Variants in FGF5 observed in about 807,000 individuals in gnomAD.
FGF5 encodes fibroblast growth factor 5, also known as heparin-binding growth factor 5.
A neutral mutation model predicts 21.8 loss-of-function variants in FGF5; 23 were observed. The observed-to-expected ratio is 1.05, with a 90% CI of 0.76 to 1.49. FGF5 has a LOEUF of 1.49. FGF5 is among the 40% of genes most tolerant of loss of function. The pLI is 0.00. For synonymous variants in FGF5, 158 were observed against 124.0 expected (o/e 1.27, Z -1.82); for missense variants, 352 against 332.9 (o/e 1.06, Z -0.45).
At position 80,289,757 on chromosome 4, in the gene FGF5, G is replaced by T. The variant is rs2109933954; in HGVS notation, c.*3085G>T. The T allele has an allele frequency of 6.6e-6, 1 of 152,058 alleles. No homozygotes were observed. Among genetic ancestry groups the T allele is most frequent in the East Asian group, 1.9e-4 (1 of 5,188 alleles). 9.4% of individuals were successfully genotyped at this position (152,058 alleles called of 1,614,324 possible). ...AGTACAGGTGCATATTAATTTTCTT[G>T]GTTCTTTCAGCTGAATTATATTGGT... On this transcript the variant is annotated 3_prime_UTR_variant, in exon 3 of 3. Coordinates refer to ENST00000312465, the MANE Select transcript of FGF5 (RefSeq NM_004464.4).
At chr4:80,274,530 A>C (rs1170276782) in intron 1 of FGF5, among the ~76,000 whole-genome samples, 1 of 152,070 alleles carries the variant, frequency 6.6e-6, no homozygotes, top group Non-Finnish European at 1.5e-5. Context: ...TTAATGTTCA[A>C]AGTAGTGTAT....
chr4:80,267,198 T>C lies in FGF5; in HGVS notation c.355+19T>C. The C allele has an allele frequency of 6.4e-7, 1 of 1,567,044 alleles. No individual in the cohort carries two copies. Among genetic ancestry groups the C allele is most frequent in the Non-Finnish European group, 8.7e-7 (1 of 1,151,372 alleles). On this transcript the variant is annotated intron_variant, in intron 1 of 2. Transcript: ENST00000312465. ...ATGTTAAGTAAGTTACTCGCTCTCC[T>C]ACAAAACCCGTCCTAGGCGGCCGCG...
rs543568277 is a variant in FGF5, at chr4:80,275,237, T to C, written c.459+225T>C. ...ACAGAGTCTACAAAAAGTTTAAGCATAAATGTATTTGAAAACAGCATTCTC... is the reference window on the plus strand; with the variant it reads ...ACAGAGTCTACAAAAAGTTTAAGCACAAATGTATTTGAAAACAGCATTCTC... On this transcript the variant is annotated intron_variant, in intron 2 of 2. Transcript: ENST00000312465. Among the ~76,000 whole-genome samples the C allele has an allele frequency of 2.0e-5, 3 of 152,174 alleles. No individual in the cohort carries two copies. In the East Asian group the frequency reaches 5.8e-4, roughly 29 times the overall value.
At position 80,275,005 on chromosome 4, in the gene FGF5, A is replaced by T; in HGVS notation, c.452A>T (p.His151Leu). 1 of 1,482,404 alleles carries T rather than the reference A, an allele frequency of 6.7e-7. No homozygotes were observed. Among genetic ancestry groups the T allele is most frequent in the South Asian group, 1.2e-5 (1 of 85,770 alleles). The allele number at this position is 1,482,404 out of a possible 1,614,324, so 91.8% of individuals were successfully genotyped here. A position where few individuals can be genotyped will look rare whatever the true frequency, so the allele number is the denominator to read the frequency against. The change falls in exon 2 of 3, where the codon CAT becomes CTT. Residue 151 changes from histidine to leucine, a missense_variant. Transcript: ENST00000312465. ...GCGATGTCAAAAAAAGGAAAACTCC[A>T]TGCAAGTGTAAGTAGAACCACTTTA... ...FLAMSKKGKL[H>L]ASAKFTDDCK... is the part of the protein sequence containing the mutation.
intron 2 of FGF5, among the ~76,000 whole-genome samples, chr4:80,278,616 G>C (rs952645594): frequency 6.6e-6 from 1 of 152,152 alleles, no homozygotes; most frequent in African/African-American, 2.4e-5. Context: ...GAAAGGGTAG[G>C]CCAGAGCAGA....
Position 80,267,035 on chromosome 4 carries a change from G to T in FGF5, c.211G>T (p.Gly71Ter), listed in dbSNP as rs779790827. The change falls in exon 1 of 3, where the codon GGA becomes TGA. Residue 71 changes from glycine (G) to a stop codon, truncating the protein, a stop_gained. Transcript: ENST00000312465. LOFTEE classifies it high-confidence loss of function. ...SSPAASLGSQ[G>*]SGLEQSSFQW... ...CCCCGCAGCTTCTCTGGGCAGCCAAGGAAGTGGCTTGGAGCAGAGCAGTTT... is the reference window on the plus strand; with the variant it reads ...CCCCGCAGCTTCTCTGGGCAGCCAATGAAGTGGCTTGGAGCAGAGCAGTTT... 1 of 1,614,154 alleles carries T rather than the reference G, an allele frequency of 6.2e-7. No homozygotes were observed. The highest frequency in any genetic ancestry group is 8.5e-7 in the Non-Finnish European group (1 of 1,180,056).
chr4:80,285,885 T>G, intron 2 of FGF5, among the ~76,000 whole-genome samples: 1 of 152,128 alleles, frequency 6.6e-6, no homozygotes, highest in Non-Finnish European at 1.5e-5. Context: ...AATTTTGACC[T>G]CATTTCTGTG....
At chr4:80,279,281 A>T (rs998896939) in intron 2 of FGF5, among the ~76,000 whole-genome samples, 3 of 152,220 alleles carry the variant, frequency 2.0e-5, no homozygotes, top group Non-Finnish European at 4.4e-5. Context: ...ATCTATTGGG[A>T]TAGTTAAGTG....
At chr4:80,280,174 T>C (rs906855297) in intron 2 of FGF5, among the ~76,000 whole-genome samples, 10 of 152,188 alleles carry the variant, frequency 6.6e-5, no homozygotes, top group Admixed American at 6.5e-4. Flanking sequence ...GAAAAGAATA[T>C]TTTTTTGCCC....
In FGF5 at chr4:80,289,983, A is replaced by G. The variant is rs923799276; in HGVS notation, c.*3311A>G. The G allele has an allele frequency of 1.3e-4, 20 of 152,210 alleles. No homozygotes were observed. Among genetic ancestry groups the G allele is most frequent in the Non-Finnish European group, 4.4e-5 (3 of 68,028 alleles). 9.4% of individuals were successfully genotyped at this position (152,210 alleles called of 1,614,324 possible). On this transcript the variant is annotated 3_prime_UTR_variant, in exon 3 of 3. Transcript: ENST00000312465. ...CTTATTAAATCAATCTTGAAATAGA[A>G]AATGTAATAACTTTCTTACCATTAA...
intron 2 of FGF5, among the ~76,000 whole-genome samples, chr4:80,280,810 G>A (rs556679357): frequency 6.6e-6 from 1 of 151,896 alleles, no homozygotes; most frequent in Non-Finnish European, 1.5e-5. Context: ...TTACTTCAAG[G>A]GTATCAAAAC....
At chr4:80,281,416 A>G (rs951408882) in intron 2 of FGF5, among the ~76,000 whole-genome samples, 2 of 152,220 alleles carry the variant, frequency 1.3e-5, no homozygotes, top group African/African-American at 4.8e-5. Context: ...TTATTTAATA[A>G]TATTAGTCTA....
At chr4:80,268,495 G>A in intron 1 of FGF5, 1 of 986,090 alleles carries the variant, frequency 1.0e-6, no homozygotes, top group Non-Finnish European at 1.2e-6. Context: ...CTCCAGAGGA[G>A]CGTGGACACC....
At chr4:80,274,391 T>C (rs1248313408) in intron 1 of FGF5, among the ~76,000 whole-genome samples, 2 of 152,084 alleles carry the variant, frequency 1.3e-5, no homozygotes, top group Non-Finnish European at 2.9e-5. Flanking sequence ...AGACTGAGTA[T>C]GGTATATGTT....
chr4:80,277,443 A>T (rs1462920261), intron 2 of FGF5, among the ~76,000 whole-genome samples: 1 of 152,118 alleles, frequency 6.6e-6, no homozygotes, highest in Non-Finnish European at 1.5e-5. Flanking sequence ...CTAGGTGTAA[A>T]CCTAATTAAA....
chr4:80,270,417 G>A (rs1482896155), intron 1 of FGF5, among the ~76,000 whole-genome samples: 1 of 150,282 alleles, frequency 6.7e-6, no homozygotes, highest in African/African-American at 2.5e-5. Context: ...ACCATGAGAA[G>A]TGCACCATGG....
At chr4:80,275,395 T>C (rs1159898857) in intron 2 of FGF5, among the ~76,000 whole-genome samples, 3 of 151,946 alleles carry the variant, frequency 2.0e-5, no homozygotes, top group African/African-American at 7.2e-5. Context: ...GAGGTTCTTA[T>C]TTAAGTTTAC....
chr4:80,282,777 T>C (rs1720591907), intron 2 of FGF5, among the ~76,000 whole-genome samples: 1 of 152,178 alleles, frequency 6.6e-6, no homozygotes, highest in Non-Finnish European at 1.5e-5. Context: ...AGTCTGTTAA[T>C]TTCAGGGGTT....
chr4:80,286,770 C>T lies in FGF5; in HGVS notation c.*98C>T. ...GAAAAATTACTGGACACAGCTTCAG[C>T]TATACTTACACTGTATTGAAGTCAC... is the stretch of plus-strand genomic sequence containing the variant. On this transcript the variant is annotated 3_prime_UTR_variant, in exon 3 of 3. Coordinates refer to ENST00000312465, the MANE Select transcript of FGF5 (RefSeq NM_004464.4). The T allele has an allele frequency of 1.2e-6, 1 of 856,492 alleles. No homozygotes were observed. Among genetic ancestry groups the T allele is most frequent in the Non-Finnish European group, 1.8e-6 (1 of 549,482 alleles). 53.1% of individuals were successfully genotyped at this position (856,492 alleles called of 1,614,324 possible).
Sources: allele counts gnomAD v4.1 joint callset (sites outside exome capture counted in the v4.1 genomes callset), GRCh38; gene constraint gnomAD v4.1.1; transcripts MANE v1.5; gene names NCBI Gene and HGNC (gene_info 2026-07-23, HGNC 2026-07-21).